CNTNAP3: variants seen among roughly 807,000 people sequenced by gnomAD.
CNTNAP3 encodes the protein contactin-associated protein-like 3.
In CNTNAP3, 36 loss-of-function variants were observed where a neutral mutation model predicts 92.1. That is an observed-to-expected ratio of 0.39 (90% confidence interval 0.30 to 0.52). The LOEUF is 0.52. Ranked by LOEUF, CNTNAP3 falls within the 20% of genes least tolerant of loss-of-function variation. The pLI is 0.76. For synonymous variants in CNTNAP3, 232 were observed against 422.3 expected (o/e 0.55, Z 5.53); for missense variants, 534 against 1,069.6 (o/e 0.50, Z 6.98).
chr9:39,179,228 T>C (rs1822398365), intron 4 of CNTNAP3, among the ~76,000 whole-genome samples: 1 of 102,592 alleles, frequency 9.7e-6, no homozygotes, highest in Non-Finnish European at 1.9e-5. Context: ...ACCTCTTACC[T>C]AGGACTTGCC....
chr9:39,087,904 C>G (rs1169627553), intron 19 of CNTNAP3, among the ~76,000 whole-genome samples: 1 of 152,164 alleles, frequency 6.6e-6, no homozygotes, highest in East Asian at 1.9e-4. Context: ...CCAACTACCA[C>G]TGTTTGAGAG....
intron 10 of CNTNAP3, among the ~76,000 whole-genome samples, chr9:39,149,496 G>A (rs1821787784): frequency 6.6e-6 from 1 of 150,620 alleles, no homozygotes; most frequent in South Asian, 2.1e-4. Context: ...ACTACAGGTG[G>A]CCGCCACCAC....
chr9:39,076,784 C>T (rs1427233687), intron 23 of CNTNAP3, among the ~76,000 whole-genome samples: 26 of 152,264 alleles, frequency 1.7e-4, no homozygotes, highest in African/African-American at 5.3e-4. Context: ...CTGGCTAACA[C>T]GGTGAAACCC....
intron 10 of CNTNAP3, among the ~76,000 whole-genome samples, chr9:39,147,489 G>A (rs1441574871): frequency 1.3e-5 from 2 of 152,046 alleles, no homozygotes; most frequent in African/African-American, 2.4e-5. Flanking sequence ...AATCTCAGAG[G>A]AGCTAGTCTT....
intron 13 of CNTNAP3, among the ~76,000 whole-genome samples, chr9:39,126,234 A>T (rs1418843746): frequency 6.6e-6 from 1 of 152,152 alleles, no homozygotes; most frequent in Non-Finnish European, 1.5e-5. Flanking sequence ...TTAAAAACAC[A>T]TTTCTAAATA....
At chr9:39,082,470 AC>A (rs1554713705) in intron 21 of CNTNAP3, among the ~76,000 whole-genome samples, 1 of 150,132 alleles carries the variant, frequency 6.7e-6, no homozygotes, top group Non-Finnish European at 1.5e-5. Flanking sequence ...GGAAAAAAAA[AC>A]CCACAAAATC....
Position 39,076,887 on chromosome 9 carries a change from G to T in CNTNAP3, c.3745+1498C>A, listed in dbSNP as rs1373113541. Among the ~76,000 whole-genome samples, 13 of 152,416 alleles carry T rather than the reference G, an allele frequency of 8.5e-5. No homozygotes were observed. In the East Asian group the frequency reaches 2.5e-3, roughly 29 times the overall value. ...GGCTGCTGAGGCAGGAGAATGGGAGGCGGAGCTTGCAGTGAGCCAAGATGG... is the reference window on the plus strand; with the variant it reads ...GGCTGCTGAGGCAGGAGAATGGGAGTCGGAGCTTGCAGTGAGCCAAGATGG... On this transcript the variant is annotated intron_variant, in intron 23 of 23. Coordinates refer to ENST00000297668, the MANE Select transcript of CNTNAP3 (RefSeq NM_033655.5).
At chr9:39,154,702 T>TCC (rs997669242) in intron 9 of CNTNAP3, 14 of 122,648 alleles carry the variant, frequency 1.1e-4, no homozygotes, top group Admixed American at 2.0e-4. Flanking sequence ...CAGCCATTCC[T>TCC]CCCCCAGTGA....
rs188355406 is a variant in CNTNAP3, at chr9:39,077,234, T to C, written c.3745+1151A>G. Among the ~76,000 whole-genome samples, 1,160 of 152,282 alleles carry C rather than the reference T, an allele frequency of 7.6e-3. 12 individuals carry two copies. Among genetic ancestry groups the C allele is most frequent in the Non-Finnish European group, 0.012 (821 of 68,006 alleles). Reference sequence around the variant, plus strand: ...AAATGTCCTTAATGACAGGGAATTATACACTTTAAAATAACAACACATTTT... The same window carrying C: ...AAATGTCCTTAATGACAGGGAATTACACACTTTAAAATAACAACACATTTT... On this transcript the variant is annotated intron_variant, in intron 23 of 23. Transcript: ENST00000297668.
chr9:39,083,284 T>G (rs1825987911), intron 21 of CNTNAP3, among the ~76,000 whole-genome samples: 1 of 152,274 alleles, frequency 6.6e-6, no homozygotes, highest in African/African-American at 2.4e-5. Flanking sequence ...AGGCTAATTT[T>G]TTTTTACTTT....
In CNTNAP3 at chr9:39,157,503, C is replaced by A. The variant is rs1216047590; in HGVS notation, c.1478-7526G>T. 2.5e-5 allele frequency among the ~76,000 whole-genome samples: 3 copies of A among 118,840 alleles called. 1 individual carries two copies. The highest frequency in any genetic ancestry group is 5.6e-5 in the Non-Finnish European group (3 of 53,234). The allele number at this position is 118,840 out of a possible 152,430, so 78.0% of individuals were successfully genotyped here. A position where few individuals can be genotyped will look rare whatever the true frequency, so the allele number is the denominator to read the frequency against. The stretch of plus-strand genomic sequence containing the variant: ...TACAGGCGCCCACCACCATGCCCAG[C>A]TAATTTTTTTTTTTTTGTATTTTTA... On this transcript the variant is annotated intron_variant, in intron 9 of 23. Transcript: ENST00000297668.
chr9:39,082,318 G>A (rs1335066200), intron 21 of CNTNAP3, among the ~76,000 whole-genome samples: 1 of 151,500 alleles, frequency 6.6e-6, no homozygotes, highest in African/African-American at 2.4e-5. Context: ...CAAGACATCT[G>A]TGATGCCCAC....
rs2778219 is a variant in CNTNAP3 at position 39,104,565 on chromosome 9, A to C, written c.2366-651T>G. On this transcript the variant is annotated intron_variant, in intron 15 of 23. Coordinates refer to ENST00000297668, the MANE Select transcript of CNTNAP3 (RefSeq NM_033655.5). Reference sequence around the variant, plus strand: ...GGCAAGAACAATCAAGAACAAGAAGAAGCTTATTTGTTCCCTTCTGTCCAA... The same window carrying C: ...GGCAAGAACAATCAAGAACAAGAAGCAGCTTATTTGTTCCCTTCTGTCCAA... Among the ~76,000 whole-genome samples the C allele has an allele frequency of 4.0e-3, 603 of 151,756 alleles. 6 individuals carry two copies. The highest frequency in any genetic ancestry group is 0.011 in the African/African-American group (452 of 41,368).
chr9:39,147,150 T>C (rs1821723423), intron 10 of CNTNAP3, among the ~76,000 whole-genome samples: 1 of 152,156 alleles, frequency 6.6e-6, no homozygotes, highest in Non-Finnish European at 1.5e-5. Flanking sequence ...GCTATCATTG[T>C]GAGGCCTCCC....
At position 39,072,762 on chromosome 9, in the gene CNTNAP3, T is replaced by C. The variant is rs1355623373; in HGVS notation, c.*1128A>G. 5 of 152,108 alleles carry C rather than the reference T, an allele frequency of 3.3e-5. No individual in the cohort carries two copies. The highest frequency in any genetic ancestry group is 9.7e-5 in the African/African-American group (4 of 41,420). The allele number at this position is 152,108 out of a possible 1,614,324, so 9.4% of individuals were successfully genotyped here. A position where few individuals can be genotyped will look rare whatever the true frequency, so the allele number is the denominator to read the frequency against. ...GTTCAAAATTTAGAAAAGGAATTAGTGATCTTCAGTTAAGCTATTTTTTTA... is the reference window on the plus strand; with the variant it reads ...GTTCAAAATTTAGAAAAGGAATTAGCGATCTTCAGTTAAGCTATTTTTTTA... On this transcript the variant is annotated 3_prime_UTR_variant, in exon 24 of 24. Transcript: ENST00000297668.
intron 15 of CNTNAP3, among the ~76,000 whole-genome samples, chr9:39,104,471 T>TACACAC (rs1233368382): frequency 1.5e-3 from 107 of 71,862 alleles, no homozygotes; most frequent in South Asian, 4.3e-3. Flanking sequence ...TTCCTGCACA[T>TACACAC]ACACATACAC....
chr9:39,114,686 T>C (rs1363545850), intron 14 of CNTNAP3, among the ~76,000 whole-genome samples: 2 of 152,148 alleles, frequency 1.3e-5, no homozygotes, highest in Non-Finnish European at 2.9e-5. Context: ...GAACAGAGTT[T>C]ACTCATATTT....
intron 21 of CNTNAP3, among the ~76,000 whole-genome samples, chr9:39,081,517 A>C (rs1173217186): frequency 6.6e-6 from 1 of 150,622 alleles, no homozygotes; most frequent in Non-Finnish European, 1.5e-5. Flanking sequence ...GCTTTTGATA[A>C]CACTTTCAGG....
intron 9 of CNTNAP3, among the ~76,000 whole-genome samples, chr9:39,157,597 A>T (rs1275648676): frequency 4.2e-5 from 3 of 71,578 alleles, no homozygotes; most frequent in Non-Finnish European, 9.0e-5. Flanking sequence ...CCACCCGCCT[A>T]GGCCTCCCAA....
Sources: allele counts gnomAD v4.1 joint callset (sites outside exome capture counted in the v4.1 genomes callset), GRCh38; gene constraint gnomAD v4.1.1; transcripts MANE v1.5; gene names NCBI Gene and HGNC (gene_info 2026-07-23, HGNC 2026-07-21).